The following TRAF4 variants were observed in gnomAD, a reference collection of about 807,000 sequenced individuals.
TRAF4 encodes TNF receptor associated factor 4.
A neutral mutation model predicts 47.3 loss-of-function variants in TRAF4; 9 were observed. The observed-to-expected ratio is 0.19, with a 90% CI of 0.11 to 0.33. The LOEUF is 0.33. TRAF4 is among the 10% of genes least tolerant of loss of function. TRAF4 has a pLI of 1.00. For synonymous variants in TRAF4, 236 were observed against 236.9 expected (o/e 1.00, Z 0.04); for missense variants, 448 against 620.3 (o/e 0.72, Z 2.95).
Position 28,748,581 on chromosome 17 carries a change from G to T in TRAF4, c.695G>T (p.Arg232Leu). Residue 232 changes from arginine (R) to leucine (L), a missense_variant, in exon 6 of 7, where the codon CGG becomes CTG. Physicochemically the swap from Arg to Leu is moderately radical, Grantham distance 102. Transcript: ENST00000262395. ...CAATGTGGTGTGGGCACTGTGGCTCGGGAGGACCTGCCAGGCCATCTGAAG... is the reference window on the plus strand; with the variant it reads ...CAATGTGGTGTGGGCACTGTGGCTCTGGAGGACCTGCCAGGCCATCTGAAG... ...PNQCGVGTVA[R>L]EDLPGHLKDS... The T allele has an allele frequency of 6.2e-7, 1 of 1,612,892 alleles. No homozygotes were observed. Among genetic ancestry groups the T allele is most frequent in the Non-Finnish European group, 8.5e-7 (1 of 1,179,900 alleles).
At position 28,749,911 on chromosome 17, in the gene TRAF4, G is replaced by T. The variant is rs550111144; in HGVS notation, c.*334G>T. The T allele has an allele frequency of 1.4e-6, 1 of 700,434 alleles. No individual in the cohort carries two copies. The highest frequency in any genetic ancestry group is 1.7e-5 in the African/African-American group (1 of 57,328). The allele number at this position is 700,434 out of a possible 1,614,324, so 43.4% of individuals were successfully genotyped here. A position where few individuals can be genotyped will look rare whatever the true frequency, so the allele number is the denominator to read the frequency against. On this transcript the variant is annotated 3_prime_UTR_variant, in exon 7 of 7. Transcript: ENST00000262395. ...AGGTGCTATGTCCCAAGAGCCATAA[G>T]GGGGTGGGAATTGGGGAGGGAGAAA...
Position 28,747,242 on chromosome 17 carries a change from A to G in TRAF4, c.173A>G (p.Gln58Arg). 6.2e-7 allele frequency: 1 copy of G among 1,613,866 alleles called. No homozygotes were observed. Among genetic ancestry groups the G allele is most frequent in the Non-Finnish European group, 8.5e-7 (1 of 1,179,886 alleles). The change falls in exon 2 of 7, where the codon CAG becomes CGG. Residue 58 changes from glutamine (Q) to arginine (R), a missense_variant. Gln to Arg is a conservative substitution (Grantham distance 43). Transcript: ENST00000262395. Reference protein sequence around the residue: ...SEGVFKCPEDQLPLDYAKIYP... With the variant: ...SEGVFKCPEDRLPLDYAKIYP... ...GGAGTCTTCAAGTGCCCTGAGGACCAGCTTCCTCTGGACTATGCCAAGGTG... is the reference window on the plus strand; with the variant it reads ...GGAGTCTTCAAGTGCCCTGAGGACCGGCTTCCTCTGGACTATGCCAAGGTG...
intron 2 of TRAF4, 124 bp downstream of exon 2, chr17:28,747,388 A>G (rs1008371075): frequency 1.7e-6 from 2 of 1,210,376 alleles, no homozygotes; most frequent in Non-Finnish European, 2.3e-6. Context: ...GCGCCTCCAC[A>G]AAGGTAGCCT....
chr17:28,747,274 C>T lies in TRAF4; in HGVS notation c.195+10C>T, dbSNP rs766647733. 6 of 1,612,632 alleles carry T rather than the reference C, an allele frequency of 3.7e-6. No homozygotes were observed. In the East Asian group the frequency reaches 8.9e-5, roughly 24 times the overall value. ...TCTGGACTATGCCAAGGTGAGTCCA[C>T]ACTGCCAGGAAGAAGCCCAAGCACA... On this transcript the variant is annotated intron_variant, in intron 2 of 6. Coordinates refer to ENST00000262395, the MANE Select transcript of TRAF4 (RefSeq NM_004295.4).
Position 28,747,195 on chromosome 17 carries a change from G to T in TRAF4, c.144-18G>T, listed in dbSNP as rs769441841. 1 of 1,611,834 alleles carries T rather than the reference G, an allele frequency of 6.2e-7. No individual in the cohort carries two copies. The highest frequency in any genetic ancestry group is 8.5e-7 in the Non-Finnish European group (1 of 1,179,150). On this transcript the variant is annotated intron_variant, in intron 1 of 6. Transcript: ENST00000262395. ...TCCCCTAATGAGAAACCTTTTTCCT[G>T]CCCCTCCCCCATTTCAGTGAAGGAG...
Position 28,748,286 on chromosome 17 carries a change from G to C in TRAF4, c.487G>C (p.Glu163Gln). 1.2e-6 allele frequency: 2 copies of C among 1,613,780 alleles called. No homozygotes were observed. The highest frequency in any genetic ancestry group is 1.7e-6 in the Non-Finnish European group (2 of 1,179,860). Residue 163 changes from glutamate to glutamine, a missense_variant, in exon 5 of 7, where the codon GAG becomes CAG. By Grantham distance (29) the Glu-to-Gln change is conservative. Coordinates refer to ENST00000262395, the MANE Select transcript of TRAF4 (RefSeq NM_004295.4). The stretch of plus-strand genomic sequence containing the variant: ...GAGCCATGAGGGTATGTGCCCCCAG[G>C]AGAGTGTCTACTGTGAGAATAAGTG... ...YESHEGMCPQ[E>Q]SVYCENKCGA...
rs759651003 is a variant in TRAF4 at position 28,749,145 on chromosome 17, G to A, written c.981G>A (p.Lys327=). The change falls in exon 7 of 7, where the codon AAG becomes AAA. Residue 327 remains lysine (K), a synonymous_variant. Coordinates refer to ENST00000262395, the MANE Select transcript of TRAF4 (RefSeq NM_004295.4). ...YGRRLQEAKA[K]PNLECFSPAF... is the part of the protein sequence containing the mutation. ...GGCGGCTACAGGAGGCCAAGGCCAA[G>A]CCCAACCTTGAGTGCTTCAGCCCAG... The A allele has an allele frequency of 6.2e-7, 1 of 1,614,110 alleles. No individual in the cohort carries two copies. The highest frequency in any genetic ancestry group is 1.1e-5 in the South Asian group (1 of 91,090).
Position 28,750,028 on chromosome 17 carries a change from G to C in TRAF4, c.*451G>C. Reference sequence around the variant, plus strand: ...GTTATTTATTTCCTTAGTGCCAGGAGGGCACAGCAGGGGAGCCCTGATTTT... The same window carrying C: ...GTTATTTATTTCCTTAGTGCCAGGACGGCACAGCAGGGGAGCCCTGATTTT... On this transcript the variant is annotated 3_prime_UTR_variant, in exon 7 of 7. Coordinates refer to ENST00000262395, the MANE Select transcript of TRAF4 (RefSeq NM_004295.4). 1.7e-6 allele frequency: 1 copy of C among 601,662 alleles called. No homozygotes were observed. The highest frequency in any genetic ancestry group is 3.0e-6 in the Non-Finnish European group (1 of 335,720). 37.3% of individuals were successfully genotyped at this position (601,662 alleles called of 1,614,324 possible).
chr17:28,747,185 C>T (rs758672531), intron 1 of TRAF4, 28 bp from the exon 2 acceptor site: 104 of 1,610,876 alleles, frequency 6.5e-5, no homozygotes, highest in Non-Finnish European at 8.7e-5. Context: ...TAATGAGAAA[C>T]CTTTTTCCTG....
At chr17:28,744,349 T>A in intron 1 of TRAF4, 94 bp downstream of exon 1, 2 of 1,413,040 alleles carry the variant, frequency 1.4e-6, no homozygotes, top group Admixed American at 2.3e-5. Flanking sequence ...CGGGCCTTTG[T>A]CTGCGCTGCG....
chr17:28,746,341 A>G (rs2034512772), intron 1 of TRAF4, among the ~76,000 whole-genome samples: 1 of 152,244 alleles, frequency 6.6e-6, no homozygotes, highest in Admixed American at 6.5e-5. Flanking sequence ...GTCGACAGAA[A>G]GAAGCATGCC....
In TRAF4 at chr17:28,749,840, A is replaced by AT; in HGVS notation, c.*264dup. On this transcript the variant is annotated 3_prime_UTR_variant, in exon 7 of 7. Coordinates refer to ENST00000262395, the MANE Select transcript of TRAF4 (RefSeq NM_004295.4). Reference sequence around the variant, plus strand: ...GTCTCCCTTCTTGGGTAGGGCAGACATGCCTTGGTGCCGGTCACACTCTAC... The same window carrying AT: ...GTCTCCCTTCTTGGGTAGGGCAGACATTGCCTTGGTGCCGGTCACACTCTAC... 1 of 712,646 alleles carries AT rather than the reference A, an allele frequency of 1.4e-6. No homozygotes were observed. 44.1% of individuals were successfully genotyped at this position (712,646 alleles called of 1,614,324 possible).
In TRAF4 at chr17:28,747,908, G is replaced by A. The variant is rs2034540386; in HGVS notation, c.261G>A (p.Glu87=). 1.2e-6 allele frequency: 2 copies of A among 1,613,992 alleles called. No homozygotes were observed. The highest frequency in any genetic ancestry group is 3.3e-5 in the Admixed American group (2 of 60,000). Residue 87 remains glutamate (E), a synonymous_variant, in exon 3 of 7, where the codon GAG becomes GAA. Coordinates refer to ENST00000262395, the MANE Select transcript of TRAF4 (RefSeq NM_004295.4). The part of the protein sequence containing the change: ...LGLPIRCIHS[E]EGCRWSGPLR... ...TGCCTATCCGCTGCATCCACAGTGA[G>A]GAGGGCTGCCGCTGGAGTGGGCCAC...
chr17:28,746,876 C>T (rs2034521338), intron 1 of TRAF4: 1 of 235,744 alleles, frequency 4.2e-6, no homozygotes, highest in Non-Finnish European at 8.2e-6. Flanking sequence ...TGAAAACTAA[C>T]CTAGGGGGAG....
At chr17:28,744,505 G>C (rs1462153825) in intron 1 of TRAF4, among the ~76,000 whole-genome samples, 1 of 152,152 alleles carries the variant, frequency 6.6e-6, no homozygotes, top group African/African-American at 2.4e-5. Context: ...CCTTCTCGTG[G>C]GGTCAGGAGG....
At chr17:28,748,696 T>C in intron 6 of TRAF4, 30 bp downstream of exon 6, 1 of 1,601,340 alleles carries the variant, frequency 6.2e-7, no homozygotes, top group Admixed American at 1.7e-5. Context: ...GTCAGCCCCC[T>C]TTTGCCCTTG....
chr17:28,749,369 A>T lies in TRAF4; in HGVS notation c.1205A>T (p.Gln402Leu). ...AGCGACCCTGGGCTGGCTAAACCAC[A>T]GCACGTCACTGAGACCTTCCACCCC... ...DQSDPGLAKPQHVTETFHPDP... is the reference protein window; with the variant it reads ...DQSDPGLAKPLHVTETFHPDP... Residue 402 changes from glutamine (Q) to leucine (L), a missense_variant, in exon 7 of 7, where the codon CAG becomes CTG. Physicochemically the swap from Gln to Leu is moderately radical, Grantham distance 113. Coordinates refer to ENST00000262395, the MANE Select transcript of TRAF4 (RefSeq NM_004295.4). The T allele has an allele frequency of 6.2e-7, 1 of 1,614,046 alleles. No homozygotes were observed.
Position 28,749,187 on chromosome 17 carries a change from G to A in TRAF4, c.1023G>A (p.Lys341=), listed in dbSNP as rs1005102746. The A allele has an allele frequency of 5.0e-6, 8 of 1,614,110 alleles. No homozygotes were observed. The highest frequency in any genetic ancestry group is 6.8e-6 in the Non-Finnish European group (8 of 1,180,046). The change falls in exon 7 of 7, where the codon AAG becomes AAA. Residue 341 remains lysine, a synonymous_variant. Transcript: ENST00000262395. ...TCAGCCCAGCCTTCTACACACATAA[G>A]TATGGTTACAAGCTGCAGGTGTCTG... is the stretch of plus-strand genomic sequence containing the variant. The part of the protein sequence containing the change: ...ECFSPAFYTH[K]YGYKLQVSAF...
intron 1 of TRAF4, among the ~76,000 whole-genome samples, chr17:28,746,384 G>A (rs1400682471): frequency 6.6e-6 from 1 of 152,246 alleles, no homozygotes; most frequent in Non-Finnish European, 1.5e-5. Flanking sequence ...GGCCAGGTAG[G>A]GTTTGGTGCA....
Sources: allele counts gnomAD v4.1 joint callset (sites outside exome capture counted in the v4.1 genomes callset), GRCh38; gene constraint gnomAD v4.1.1; transcripts MANE v1.5; gene names NCBI Gene and HGNC (gene_info 2026-07-23, HGNC 2026-07-21).